The following UTRN variants were observed in gnomAD, a reference collection of about 807,000 sequenced individuals.
The protein encoded by UTRN is dystrophin-related protein 1.
Under a neutral mutation model 463.9 loss-of-function variants are expected in UTRN, and 283 were observed. That is an observed-to-expected ratio of 0.61 (90% confidence interval 0.55 to 0.67). The LOEUF is 0.67. Among genes scored for constraint, UTRN ranks in the 30% least tolerant of loss-of-function variants. The pLI is 0.00. For synonymous variants in UTRN, 1,442 were observed against 1,431.5 expected, an observed-to-expected ratio of 1.01 and a Z score of -0.17; for missense variants, 3,922 against 4,084.3, an observed-to-expected ratio of 0.96 and a Z score of 1.08.
intron 54 of UTRN, among the ~76,000 whole-genome samples, chr6:144,735,672 C>A (rs1562839011): frequency 6.6e-6 from 1 of 151,982 alleles, no homozygotes; most frequent in Non-Finnish European, 1.5e-5. Context: ...CTCCTTTCTT[C>A]CCTAGGACTT....
chr6:144,499,486 G>A (rs1033131131), intron 34 of UTRN, 59 bp downstream of exon 34: 24 of 1,466,518 alleles, frequency 1.6e-5, no homozygotes, highest in Middle Eastern at 1.8e-4. Context: ...GCATTTGTTC[G>A]GGCGACCTGG....
chr6:144,552,261 G>A (rs939175087), intron 48 of UTRN, among the ~76,000 whole-genome samples: 1 of 152,204 alleles, frequency 6.6e-6, no homozygotes, highest in Non-Finnish European at 1.5e-5. Context: ...AGATACATTA[G>A]AAAAGAACTT....
chr6:144,441,806 G>A (rs187399994), intron 13 of UTRN, among the ~76,000 whole-genome samples: 1 of 152,202 alleles, frequency 6.6e-6, no homozygotes, highest in Non-Finnish European at 1.5e-5. Context: ...TGAAATCTAG[G>A]TGGATGTTCC....
chr6:144,548,532 TACTTAAACTAAA>T, intron 46 of UTRN, 96 bp from the exon 47 acceptor site: 1 of 1,069,610 alleles, frequency 9.3e-7, no homozygotes. Flanking sequence ...GAATTTTTTT[TACTTAAACTAAA>T]TTTTATTTAA....
chr6:144,624,760 G>A (rs1775777528), intron 51 of UTRN, among the ~76,000 whole-genome samples: 1 of 152,180 alleles, frequency 6.6e-6, no homozygotes, highest in African/African-American at 2.4e-5. Flanking sequence ...TACTAAGATA[G>A]GATAGGAAGT....
chr6:144,734,094 A>G (rs1431423660), intron 54 of UTRN, among the ~76,000 whole-genome samples: 1 of 152,122 alleles, frequency 6.6e-6, no homozygotes, highest in Non-Finnish European at 1.5e-5. Flanking sequence ...TATGAGCTAG[A>G]TGCTTAACAA....
intron 65 of UTRN, among the ~76,000 whole-genome samples, chr6:144,814,071 T>C (rs1778866289): frequency 6.6e-6 from 1 of 152,194 alleles, no homozygotes; most frequent in African/African-American, 2.4e-5. Context: ...ACTCAAGTAC[T>C]GCTATGAATG....
chr6:144,723,428 T>G (rs6931076), intron 53 of UTRN, among the ~76,000 whole-genome samples: 13,073 of 152,208 alleles, frequency 0.086, 1,915 homozygotes, highest in African/African-American at 0.3. Context: ...TTTATTATGC[T>G]CAAGCATTTA....
intron 2 of UTRN, among the ~76,000 whole-genome samples, chr6:144,329,390 T>C (rs1025547767): frequency 6.6e-6 from 1 of 152,164 alleles, no homozygotes; most frequent in Non-Finnish European, 1.5e-5. Flanking sequence ...CTGACAAATA[T>C]TTTTAAATGC....
rs1231972964 is a variant in UTRN at position 144,595,414 on chromosome 6, T to C, written c.7479+18126T>C. On this transcript the variant is annotated intron_variant, in intron 51 of 74. Coordinates refer to ENST00000367545, the MANE Select transcript of UTRN (RefSeq NM_007124.3). ...ACAGTGACTAACTCAAACTTCTGTG[T>C]GTCTCAACTGAGGCGGAAGAATGTT... Among the ~76,000 whole-genome samples, 6 of 152,344 alleles carry C rather than the reference T, an allele frequency of 3.9e-5. No individual in the cohort carries two copies. The East Asian group carries it at 1.2e-3, about 29-fold the overall frequency.
At chr6:144,335,215 A>G (rs1776628016) in intron 2 of UTRN, among the ~76,000 whole-genome samples, 1 of 152,238 alleles carries the variant, frequency 6.6e-6, no homozygotes, top group South Asian at 2.1e-4. Context: ...GAAATGGCAC[A>G]TAAGTGGTCC....
intron 51 of UTRN, among the ~76,000 whole-genome samples, chr6:144,659,472 C>A: frequency 6.6e-6 from 1 of 152,210 alleles, no homozygotes; most frequent in East Asian, 1.9e-4. Flanking sequence ...TCTGGACAGA[C>A]AGAACACCTT....
chr6:144,444,311 C>T lies in UTRN; in HGVS notation c.1543C>T (p.Arg515Cys), dbSNP rs374523849. 50 of 1,611,590 alleles carry T rather than the reference C, an allele frequency of 3.1e-5. No individual in the cohort carries two copies. Among genetic ancestry groups the T allele is most frequent in the Admixed American group, 1.8e-4 (11 of 59,908 alleles). ...TGGTGAGCGCTGGACAGCAGTATGC[C>T]GTTGGACTGAAGAACGCTGGAATAG... ...KLGERWTAVCRWTEERWNRLQ... is the reference protein window; with the variant it reads ...KLGERWTAVCCWTEERWNRLQ... The change falls in exon 14 of 75, where the codon CGT (arginine) becomes TGT (cysteine). Residue 515 changes from arginine to cysteine, a missense_variant. By Grantham distance (180) the Arg-to-Cys change is radical. This residue lies in a region of UTRN where 2,349 missense variants were observed against 2,303.8 expected (regional missense o/e 1.02). Coordinates refer to ENST00000367545, the MANE Select transcript of UTRN (RefSeq NM_007124.3).
At chr6:144,651,178 A>T (rs1425988017) in intron 51 of UTRN, among the ~76,000 whole-genome samples, 2 of 151,938 alleles carry the variant, frequency 1.3e-5, no homozygotes, top group Non-Finnish European at 1.5e-5. Context: ...GTTTTTATCA[A>T]TTTTTTTGAT....
At chr6:144,771,270 A>G (rs1474248477) in intron 58 of UTRN, among the ~76,000 whole-genome samples, 1 of 152,098 alleles carries the variant, frequency 6.6e-6, no homozygotes, top group Non-Finnish European at 1.5e-5. Flanking sequence ...CTCAAATGAA[A>G]TTTATTATTA....
intron 66 of UTRN, among the ~76,000 whole-genome samples, chr6:144,824,370 A>G (rs1047319376): frequency 2.0e-5 from 3 of 149,956 alleles, no homozygotes; most frequent in Non-Finnish European, 4.4e-5. Flanking sequence ...AAGGGTCATT[A>G]AGTTCTTCAA....
intron 54 of UTRN, 35 bp downstream of exon 54, chr6:144,730,521 C>T: frequency 6.4e-7 from 1 of 1,560,362 alleles, no homozygotes; most frequent in Non-Finnish European, 8.7e-7. Flanking sequence ...CATAAAAACA[C>T]ATGCTAGGAG....
At chr6:144,365,295 G>C (rs1211347178) in intron 2 of UTRN, among the ~76,000 whole-genome samples, 1 of 152,110 alleles carries the variant, frequency 6.6e-6, no homozygotes, top group South Asian at 2.1e-4. Flanking sequence ...AGCTTTTCCT[G>C]TTCATGTGTG....
chr6:144,709,396 C>G (rs1003340416), intron 53 of UTRN, among the ~76,000 whole-genome samples: 1 of 151,988 alleles, frequency 6.6e-6, no homozygotes. Context: ...CTTTTTAGGT[C>G]TTTTCCTTTT....
Sources: gnomAD v4.1 joint callset for allele counts (sites outside exome capture counted in the v4.1 genomes callset) on GRCh38, gnomAD v4.1.1 for gene constraint, gnomAD v4.1.1 regional missense constraint, MANE v1.5 for transcripts, NCBI Gene and HGNC (gene_info 2026-07-23, HGNC 2026-07-21) for gene names.